The following RAPGEF5 variants were observed in gnomAD, a reference collection of about 807,000 sequenced individuals.
RAPGEF5 encodes the protein M-Ras-regulated GEF.
A neutral mutation model predicts 125.2 loss-of-function variants in RAPGEF5; 65 were observed. The observed-to-expected ratio is 0.52, with a 90% CI of 0.43 to 0.64. The LOEUF is 0.64. Among genes scored for constraint, RAPGEF5 ranks in the 30% least tolerant of loss-of-function variants. The probability of loss-of-function intolerance (pLI) is 0.00; values close to 1 mark genes in which losing one functional copy is unlikely to be tolerated. For missense variants in RAPGEF5, 958 were observed against 1,048.1 expected, an observed-to-expected ratio of 0.91 and a Z score of 1.19; for synonymous variants, 391 against 385.9, an observed-to-expected ratio of 1.01 and a Z score of -0.16.
intron 1 of RAPGEF5, among the ~76,000 whole-genome samples, chr7:22,328,391 T>C (rs551960764): frequency 5.4e-4 from 83 of 152,346 alleles, no homozygotes; most frequent in African/African-American, 2.0e-3. Flanking sequence ...TATTCAACTG[T>C]TATTAGCTTC....
chr7:22,209,698 G>C (rs1277849185), intron 9 of RAPGEF5, among the ~76,000 whole-genome samples: 1 of 152,166 alleles, frequency 6.6e-6, no homozygotes, highest in African/African-American at 2.4e-5. Flanking sequence ...ACTGCTAATA[G>C]GTAGGGGAGG....
chr7:22,334,836 A>T (rs1282689115), intron 1 of RAPGEF5, among the ~76,000 whole-genome samples: 1 of 152,192 alleles, frequency 6.6e-6, no homozygotes, highest in East Asian at 1.9e-4. Flanking sequence ...TTACATTTGT[A>T]ATCTCTACAT....
At chr7:22,133,443 G>T (rs1293917347) in intron 23 of RAPGEF5, among the ~76,000 whole-genome samples, 1 of 152,182 alleles carries the variant, frequency 6.6e-6, no homozygotes, top group Non-Finnish European at 1.5e-5. Flanking sequence ...CAGTTTTGGG[G>T]TATGAGAAAT....
Position 22,120,247 on chromosome 7 carries a change from CT to C in RAPGEF5, c.*2158del, listed in dbSNP as rs1180666721. 6.6e-6 allele frequency: 1 copy of C among 152,210 alleles called. No homozygotes were observed. The highest frequency in any genetic ancestry group is 2.4e-5 in the African/African-American group (1 of 41,436). 9.4% of individuals were successfully genotyped at this position (152,210 alleles called of 1,614,324 possible). On this transcript the variant is annotated 3_prime_UTR_variant, in exon 26 of 26. Coordinates refer to ENST00000665637, the MANE Select transcript of RAPGEF5 (RefSeq NM_012294.5). This position sits in a 1 kb window ranked among gnomAD's most constrained non-coding sequence, Gnocchi z 4.0. ...GTTTACACCCATGTCATGTGAGATA[CT>C]CTGAAGTCACTGTACAAAATGCATT...
intron 9 of RAPGEF5, among the ~76,000 whole-genome samples, chr7:22,207,820 A>C (rs1785430234): frequency 6.6e-6 from 1 of 152,096 alleles, no homozygotes; most frequent in Admixed American, 6.6e-5. Context: ...CCAATATGCA[A>C]CCTCCTTTAG....
chr7:22,328,297 T>A (rs1027451926), intron 1 of RAPGEF5, among the ~76,000 whole-genome samples: 6 of 152,224 alleles, frequency 3.9e-5, no homozygotes, highest in African/African-American at 1.4e-4. Context: ...CTTTTGGACA[T>A]GGGCTATTTC....
chr7:22,235,996 T>G (rs1354606796), intron 7 of RAPGEF5, among the ~76,000 whole-genome samples: 1 of 152,188 alleles, frequency 6.6e-6, no homozygotes, highest in Non-Finnish European at 1.5e-5. Flanking sequence ...GTGTTCACCA[T>G]AAAGCCACTC....
intron 16 of RAPGEF5, 73 bp from the exon 17 acceptor site, chr7:22,154,677 C>A: frequency 6.6e-7 from 1 of 1,512,928 alleles, no homozygotes. Flanking sequence ...CAAATCAAGG[C>A]ACCTTGATCA....
chr7:22,183,663 G>A (rs1193542557), intron 11 of RAPGEF5, among the ~76,000 whole-genome samples: 1 of 152,132 alleles, frequency 6.6e-6, no homozygotes, highest in African/African-American at 2.4e-5. Flanking sequence ...GGAAAACCGG[G>A]GTTCAGGGGT....
At chr7:22,238,976 AAAC>A (rs1256885240) in intron 7 of RAPGEF5, among the ~76,000 whole-genome samples, 4 of 152,196 alleles carry the variant, frequency 2.6e-5, no homozygotes, top group African/African-American at 9.7e-5. Flanking sequence ...GGCTGAAAAC[AAAC>A]AAAAAAAAGC....
At chr7:22,173,405 G>A (rs745600386) in intron 11 of RAPGEF5, among the ~76,000 whole-genome samples, 24 of 152,102 alleles carry the variant, frequency 1.6e-4, no homozygotes, top group Non-Finnish European at 3.2e-4. Flanking sequence ...TCACCATAGC[G>A]TTTTCTTTAG....
At chr7:22,248,654 G>A (rs201877287) in intron 7 of RAPGEF5, among the ~76,000 whole-genome samples, 2 of 152,132 alleles carry the variant, frequency 1.3e-5, no homozygotes, top group African/African-American at 2.4e-5. Flanking sequence ...CCCCAGCAGC[G>A]CAGGGAAGCT....
At chr7:22,273,312 G>A (rs1183584080) in intron 6 of RAPGEF5, among the ~76,000 whole-genome samples, 1 of 144,596 alleles carries the variant, frequency 6.9e-6, no homozygotes, top group East Asian at 2.1e-4. Flanking sequence ...TCCGCCTCCC[G>A]GGTTCACGCC....
intron 7 of RAPGEF5, among the ~76,000 whole-genome samples, chr7:22,241,881 T>A (rs1203265231): frequency 1.3e-5 from 2 of 152,062 alleles, no homozygotes; most frequent in Non-Finnish European, 2.9e-5. Flanking sequence ...AATGGCAGAA[T>A]CTGTAGAGAT....
rs575690392 is a variant in RAPGEF5, at chr7:22,214,689, C to G, written c.996+5177G>C. On this transcript the variant is annotated intron_variant, in intron 9 of 25. Transcript: ENST00000665637. ...TTTTCTTTTTCTGCATTCCCGCCCC[C>G]CAACCCCCATCCCTCCCTACGTATT... Among the ~76,000 whole-genome samples the G allele has an allele frequency of 4.1e-4, 63 of 152,116 alleles. 1 individual carries two copies. Among genetic ancestry groups the G allele is most frequent in the Admixed American group, 1.1e-3 (17 of 15,278 alleles).
At position 22,119,206 on chromosome 7, in the gene RAPGEF5, T is replaced by C. The variant is rs989780029; in HGVS notation, c.*3200A>G. 5 of 152,194 alleles carry C rather than the reference T, an allele frequency of 3.3e-5. No homozygotes were observed. Among genetic ancestry groups the C allele is most frequent in the African/African-American group, 1.2e-4 (5 of 41,444 alleles). 9.4% of individuals were successfully genotyped at this position (152,194 alleles called of 1,614,324 possible). On this transcript the variant is annotated 3_prime_UTR_variant, in exon 26 of 26. Coordinates refer to ENST00000665637, the MANE Select transcript of RAPGEF5 (RefSeq NM_012294.5). This position sits in a 1 kb window ranked among gnomAD's most constrained non-coding sequence, Gnocchi z 4.1. ...GTCATCACTGGTACTCTCTCTTTCA[T>C]GCCACGATTTCTCCTCCACTCAGAG...
chr7:22,193,840 G>C (rs958015748), intron 10 of RAPGEF5, 75 bp downstream of exon 10: 224 of 1,611,654 alleles, frequency 1.4e-4, no homozygotes, highest in Non-Finnish European at 1.7e-4. Flanking sequence ...GAGTGAGATG[G>C]AGCAAGGGAA....
At chr7:22,209,504 T>G (rs1019437368) in intron 9 of RAPGEF5, among the ~76,000 whole-genome samples, 9 of 152,232 alleles carry the variant, frequency 5.9e-5, no homozygotes, top group Admixed American at 1.3e-4. Flanking sequence ...GTCTGTAGCT[T>G]CAACTATCCT....
Position 22,317,931 on chromosome 7 carries a change from T to C in RAPGEF5, c.282+56A>G, listed in dbSNP as rs956528049. 1.9e-6 allele frequency: 3 copies of C among 1,541,948 alleles called. No homozygotes were observed. In the African/African-American group the frequency reaches 4.1e-5, roughly 21 times the overall value. On this transcript the variant is annotated intron_variant, in intron 2 of 25. Coordinates refer to ENST00000665637, the MANE Select transcript of RAPGEF5 (RefSeq NM_012294.5). ...ACAACTGTAACTTGATAATTGTACA[T>C]CAGAATTTGTCAATCACTATTTCAG...
Sources: allele counts gnomAD v4.1 joint callset (sites outside exome capture counted in the v4.1 genomes callset), GRCh38; gene constraint gnomAD v4.1.1; non-coding constraint Gnocchi (gnomAD v3.1); transcripts MANE v1.5; gene names NCBI Gene and HGNC (gene_info 2026-07-23, HGNC 2026-07-21).